PTGDR: variants seen among roughly 807,000 people sequenced by gnomAD.
PTGDR encodes prostaglandin D2 receptor.
Under a neutral mutation model 17.4 loss-of-function variants are expected in PTGDR, and 19 were observed. The ratio of observed to expected loss-of-function variants is 1.09; its 90% CI spans 0.76 to 1.60. PTGDR has a LOEUF of 1.60. PTGDR is among the 40% of genes most tolerant of loss of function. The pLI, the probability that PTGDR is intolerant of heterozygous loss-of-function variation, is 0.00. For missense variants in PTGDR, 526 were observed against 481.9 expected (o/e 1.09, Z -0.86); for synonymous variants, 267 against 224.2 (o/e 1.19, Z -1.71).
At chr14:52,269,047 G>A (rs1421162201) in intron 1 of PTGDR, among the ~76,000 whole-genome samples, 1 of 152,128 alleles carries the variant, frequency 6.6e-6, no homozygotes, top group Non-Finnish European at 1.5e-5. Flanking sequence ...CTTCCCGACG[G>A]CTGGGTGATG....
chr14:52,270,541 TA>T lies in PTGDR; in HGVS notation c.846+1891del, dbSNP rs541402899. ...CTGGGCGACAGAGCAAGACTCCATCTAAAAAAAAAATTGTACTCAATTATTA... is the reference window on the plus strand; with the variant it reads ...CTGGGCGACAGAGCAAGACTCCATCTAAAAAAAAATTGTACTCAATTATTA... On this transcript the variant is annotated intron_variant, in intron 1 of 1. Coordinates refer to ENST00000306051, the MANE Select transcript of PTGDR (RefSeq NM_000953.3). Among the ~76,000 whole-genome samples the T allele has an allele frequency of 8.7e-5, 13 of 149,898 alleles. No homozygotes were observed. In the South Asian group the frequency reaches 1.1e-3, roughly 12 times the overall value.
chr14:52,268,056 C>A lies in PTGDR; in HGVS notation c.242C>A (p.Pro81Gln), dbSNP rs767185336. 8.7e-6 allele frequency: 14 copies of A among 1,612,784 alleles called. No homozygotes were observed. The highest frequency in any genetic ancestry group is 1.2e-5 in the Non-Finnish European group (14 of 1,180,040). The change falls in exon 1 of 2, where the codon CCG (proline) becomes CAG (glutamine). Residue 81 changes from proline (P) to glutamine (Q), a missense_variant. Coordinates refer to ENST00000306051, the MANE Select transcript of PTGDR (RefSeq NM_000953.3). ...TTGCTGGGCAAGTGCCTCCTAAGCC[C>A]GGTGGTGCTGGCTGCCTACGCTCAG... The part of the protein sequence containing the change: ...TDLLGKCLLS[P>Q]VVLAAYAQNR...
At chr14:52,272,283 C>T (rs2033335790) in intron 1 of PTGDR, among the ~76,000 whole-genome samples, 1 of 151,940 alleles carries the variant, frequency 6.6e-6, no homozygotes, top group Admixed American at 6.6e-5. Context: ...GCCTGGGCAA[C>T]ACAGTGAGAC....
rs922350258 is a variant in PTGDR, at chr14:52,276,320, A to C, written c.*1356A>C. ...GTGCAAAGCCTGCTGCATTTGCGTG[A>C]TCTCAAGACCTCCAGCCAGAAGTCC... On this transcript the variant is annotated 3_prime_UTR_variant, in exon 2 of 2. Transcript: ENST00000306051. 5 of 152,178 alleles carry C rather than the reference A, an allele frequency of 3.3e-5. No individual in the cohort carries two copies. The highest frequency in any genetic ancestry group is 1.2e-4 in the African/African-American group (5 of 41,438). 9.4% of individuals were successfully genotyped at this position (152,178 alleles called of 1,614,324 possible).
chr14:52,268,334 T>G lies in PTGDR; in HGVS notation c.520T>G (p.Phe174Val), dbSNP rs528009751. ...CALPFMGFGKFVQYCPGTWCF... is the reference protein window; with the variant it reads ...CALPFMGFGKVVQYCPGTWCF... ...GCTACCTTTCATGGGCTTCGGGAAGTTCGTGCAGTACTGCCCCGGCACCTG... is the reference window on the plus strand; with the variant it reads ...GCTACCTTTCATGGGCTTCGGGAAGGTCGTGCAGTACTGCCCCGGCACCTG... Residue 174 changes from phenylalanine to valine, a missense_variant, in exon 1 of 2, where the codon TTC (phenylalanine) becomes GTC (valine). Transcript: ENST00000306051. The G allele has an allele frequency of 2.5e-6, 4 of 1,613,758 alleles. No homozygotes were observed. The African/African-American group carries it at 5.3e-5, about 21-fold the overall frequency.
chr14:52,274,546 C>T (rs534562013), intron 1 of PTGDR, among the ~76,000 whole-genome samples, 185 bp from the exon 2 acceptor site: 2 of 152,268 alleles, frequency 1.3e-5, no homozygotes, highest in African/African-American at 2.4e-5. Flanking sequence ...TCTGGCCACA[C>T]CCCACCTTCC....
chr14:52,269,581 T>C, intron 1 of PTGDR: 1 of 1,443,168 alleles, frequency 6.9e-7, no homozygotes, highest in East Asian at 2.5e-5. Context: ...GAAATTCCAT[T>C]GCCAATCCCA....
Position 52,268,047 on chromosome 14 carries a change from T to G in PTGDR, c.233T>G (p.Leu78Arg). The change falls in exon 1 of 2, where the codon CTC (leucine) becomes CGC (arginine). Residue 78 changes from leucine to arginine, a missense_variant. By Grantham distance (102) the Leu-to-Arg change is moderately radical. Coordinates refer to ENST00000306051, the MANE Select transcript of PTGDR (RefSeq NM_000953.3). ...GTCACCGACTTGCTGGGCAAGTGCC[T>G]CCTAAGCCCGGTGGTGCTGGCTGCC... is the stretch of plus-strand genomic sequence containing the variant. ...LTVTDLLGKCLLSPVVLAAYA... is the reference protein window; with the variant it reads ...LTVTDLLGKCRLSPVVLAAYA... 1 of 1,612,326 alleles carries G rather than the reference T, an allele frequency of 6.2e-7. No homozygotes were observed. The highest frequency in any genetic ancestry group is 8.5e-7 in the Non-Finnish European group (1 of 1,180,032).
downstream of PTGDR, among the ~76,000 whole-genome samples, chr14:52,277,253 G>T (rs1357836521): frequency 1.3e-5 from 2 of 152,188 alleles, no homozygotes; most frequent in African/African-American, 4.8e-5. Context: ...ATTAGAAGAG[G>T]AGGCCCAAAC....
downstream of PTGDR, among the ~76,000 whole-genome samples, chr14:52,279,477 T>C (rs2033464884): frequency 6.6e-6 from 1 of 152,204 alleles, no homozygotes; most frequent in African/African-American, 2.4e-5. Context: ...TAGAACAGTG[T>C]TGACTGGCCT....
chr14:52,274,576 A>G (rs1043917070), intron 1 of PTGDR, among the ~76,000 whole-genome samples, 155 bp from the exon 2 acceptor site: 4 of 152,126 alleles, frequency 2.6e-5, no homozygotes, highest in African/African-American at 9.7e-5. Context: ...ACTTGCACCC[A>G]TCAGCTGCTG....
chr14:52,274,859 T>G lies in PTGDR; in HGVS notation c.975T>G (p.Ile325Met). 1 of 1,609,756 alleles carries G rather than the reference T, an allele frequency of 6.2e-7. No individual in the cohort carries two copies. The highest frequency in any genetic ancestry group is 1.1e-5 in the South Asian group (1 of 90,980). The change falls in exon 2 of 2, where the codon ATT (isoleucine) becomes ATG (methionine). Residue 325 changes from isoleucine to methionine, a missense_variant. By Grantham distance (10) the Ile-to-Met change is conservative (BLOSUM62 1). Coordinates refer to ENST00000306051, the MANE Select transcript of PTGDR (RefSeq NM_000953.3). ...ISIVDPWIFI[I>M]FRSPVFRIFF... ...TTGTGGACCCTTGGATTTTTATCATTTTCAGATCTCCAGTATTTCGGATAT... is the reference window on the plus strand; with the variant it reads ...TTGTGGACCCTTGGATTTTTATCATGTTCAGATCTCCAGTATTTCGGATAT...
In PTGDR at chr14:52,274,831, C is replaced by T. The variant is rs762867360; in HGVS notation, c.947C>T (p.Ser316Leu). The change falls in exon 2 of 2, where the codon TCA becomes TTA. Residue 316 changes from serine to leucine, a missense_variant. Physicochemically the swap from Ser to Leu is moderately radical, Grantham distance 145 (BLOSUM62 -2). Coordinates refer to ENST00000306051, the MANE Select transcript of PTGDR (RefSeq NM_000953.3). ...LRALRFLSVI[S>L]IVDPWIFIIF... is the part of the protein sequence containing the mutation. ...GCCTTGCGATTTCTATCTGTGATTT[C>T]AATTGTGGACCCTTGGATTTTTATC... 1 of 1,611,902 alleles carries T rather than the reference C, an allele frequency of 6.2e-7. No individual in the cohort carries two copies. Among genetic ancestry groups the T allele is most frequent in the Non-Finnish European group, 8.5e-7 (1 of 1,177,976 alleles).
Position 52,275,121 on chromosome 14 carries a change from T to G in PTGDR, c.*157T>G. On this transcript the variant is annotated 3_prime_UTR_variant, in exon 2 of 2. Coordinates refer to ENST00000306051, the MANE Select transcript of PTGDR (RefSeq NM_000953.3). ...GTATTTTCAAAAGTATTTGATATCT[T>G]AACAATGTGTTACCATTCTATAGTC... is the stretch of plus-strand genomic sequence containing the variant. The G allele has an allele frequency of 3.1e-6, 2 of 644,818 alleles. No homozygotes were observed. Among genetic ancestry groups the G allele is most frequent in the Non-Finnish European group, 5.2e-6 (2 of 382,362 alleles). 39.9% of individuals were successfully genotyped at this position (644,818 alleles called of 1,614,324 possible). A position where few individuals can be genotyped will look rare whatever the true frequency, so the allele number is the denominator to read the frequency against.
In PTGDR at chr14:52,268,547, G is replaced by A. The variant is rs769131044; in HGVS notation, c.733G>A (p.Glu245Lys). 3.7e-6 allele frequency: 6 copies of A among 1,612,482 alleles called. No individual in the cohort carries two copies. The African/African-American group carries it at 4.0e-5, about 11-fold the overall frequency. The part of the protein sequence containing the change: ...HPRSCTRDCA[E>K]PRADGREASP... ...GCGCTCCTGCACCAGGGACTGTGCC[G>A]AGCCGCGCGCGGACGGGAGGGAAGC... is the stretch of plus-strand genomic sequence containing the variant. The change falls in exon 1 of 2, where the codon GAG becomes AAG. Residue 245 changes from glutamate (E) to lysine (K), a missense_variant. Physicochemically the swap from Glu to Lys is moderately conservative, Grantham distance 56 (BLOSUM62 1). Coordinates refer to ENST00000306051, the MANE Select transcript of PTGDR (RefSeq NM_000953.3).
rs1340473059 is a variant in PTGDR at position 52,268,051 on chromosome 14, A to G, written c.237A>G (p.Leu79=). 6.2e-7 allele frequency: 1 copy of G among 1,612,442 alleles called. No individual in the cohort carries two copies. Among genetic ancestry groups the G allele is most frequent in the Non-Finnish European group, 8.5e-7 (1 of 1,179,994 alleles). ...TVTDLLGKCL[L]SPVVLAAYAQ... is the part of the protein sequence containing the mutation. ...CCGACTTGCTGGGCAAGTGCCTCCT[A>G]AGCCCGGTGGTGCTGGCTGCCTACG... Residue 79 remains leucine, a synonymous_variant, in exon 1 of 2, where the codon CTA becomes CTG. Coordinates refer to ENST00000306051, the MANE Select transcript of PTGDR (RefSeq NM_000953.3).
Position 52,275,948 on chromosome 14 carries a change from A to G in PTGDR, c.*984A>G, listed in dbSNP as rs185121364. 6.5e-6 allele frequency: 1 copy of G among 152,760 alleles called. No individual in the cohort carries two copies. Among genetic ancestry groups the G allele is most frequent in the African/African-American group, 2.4e-5 (1 of 41,572 alleles). 9.5% of individuals were successfully genotyped at this position (152,760 alleles called of 1,614,324 possible). A position where few individuals can be genotyped will look rare whatever the true frequency, so the allele number is the denominator to read the frequency against. ...TGACGATAGTAACAATGGCCTTAACATCTACCTTAACAGCTACCTATTACA... is the reference window on the plus strand; with the variant it reads ...TGACGATAGTAACAATGGCCTTAACGTCTACCTTAACAGCTACCTATTACA... On this transcript the variant is annotated 3_prime_UTR_variant, in exon 2 of 2. Coordinates refer to ENST00000306051, the MANE Select transcript of PTGDR (RefSeq NM_000953.3).
At position 52,268,342 on chromosome 14, in the gene PTGDR, G is replaced by C. The variant is rs1044884377; in HGVS notation, c.528G>C (p.Gln176His). 1 of 1,613,468 alleles carries C rather than the reference G, an allele frequency of 6.2e-7. No individual in the cohort carries two copies. The highest frequency in any genetic ancestry group is 1.7e-5 in the Admixed American group (1 of 60,010). ...TCATGGGCTTCGGGAAGTTCGTGCA[G>C]TACTGCCCCGGCACCTGGTGCTTTA... ...LPFMGFGKFVQYCPGTWCFIQ... is the reference protein window; with the variant it reads ...LPFMGFGKFVHYCPGTWCFIQ... The change falls in exon 1 of 2, where the codon CAG (glutamine) becomes CAC (histidine). Residue 176 changes from glutamine (Q) to histidine (H), a missense_variant. Physicochemically the swap from Gln to His is conservative, Grantham distance 24. Transcript: ENST00000306051.
chr14:52,280,626 A>C (rs1467979386), downstream of PTGDR, among the ~76,000 whole-genome samples: 1 of 152,220 alleles, frequency 6.6e-6, no homozygotes, highest in Non-Finnish European at 1.5e-5. Flanking sequence ...GACATAGGAG[A>C]GAACTCAGTC....
Sources: allele counts gnomAD v4.1 joint callset (sites outside exome capture counted in the v4.1 genomes callset), GRCh38; gene constraint gnomAD v4.1.1; transcripts MANE v1.5; gene names NCBI Gene and HGNC (gene_info 2026-07-23, HGNC 2026-07-21).